The following SHISA5 variants were observed in gnomAD, a reference collection of about 807,000 sequenced individuals.
SHISA5 encodes the protein protein shisa-5.
SHISA5 carries 21 observed loss-of-function variants against 27.5 expected under a neutral mutation model. That is an observed-to-expected ratio of 0.76 (90% CI 0.54 to 1.10). The LOEUF (loss-of-function observed/expected upper bound fraction) is 1.10. Among genes scored for constraint, SHISA5 ranks in the 50% least tolerant of loss-of-function variants. The pLI, the probability that SHISA5 is intolerant of heterozygous loss-of-function variation, is 0.00. For missense variants in SHISA5, 314 were observed against 336.3 expected (o/e 0.93, Z 0.52); for synonymous variants, 137 against 142.2 (o/e 0.96, Z 0.26).
intron 2 of SHISA5, among the ~76,000 whole-genome samples, chr3:48,487,529 A>G (rs779472600): frequency 6.6e-6 from 1 of 152,048 alleles, no homozygotes; most frequent in Non-Finnish European, 1.5e-5. Context: ...ACGTCTTTTG[A>G]AATTATATTT....
chr3:48,479,367 G>C, intron 2 of SHISA5, 110 bp from the exon 3 acceptor site: 1 of 1,004,350 alleles, frequency 1.0e-6, no homozygotes, highest in East Asian at 2.6e-5. Flanking sequence ...TGAACCGGTG[G>C]CTTCAATGGC....
At chr3:48,489,195 A>ATTT (rs11293006) in intron 2 of SHISA5, among the ~76,000 whole-genome samples, 1 of 130,084 alleles carries the variant, frequency 7.7e-6, no homozygotes. Flanking sequence ...ACATTATGAG[A>ATTT]TTTTTTTTTT....
chr3:48,492,506 T>A (rs2107367090), intron 2 of SHISA5, among the ~76,000 whole-genome samples: 1 of 147,648 alleles, frequency 6.8e-6, no homozygotes, highest in East Asian at 1.9e-4. Context: ...TTAGATGAGA[T>A]CATGAGGGTG....
intron 2 of SHISA5, among the ~76,000 whole-genome samples, chr3:48,486,099 C>G (rs1316785638): frequency 6.9e-6 from 1 of 144,378 alleles, no homozygotes; most frequent in East Asian, 2.0e-4. Context: ...GGAGAAAGTC[C>G]TGGCTCCAAA....
chr3:48,504,212 C>G (rs956102159), upstream of SHISA5: 2 of 413,920 alleles, frequency 4.8e-6, no homozygotes, highest in African/African-American at 4.1e-5. The surrounding 1 kb of genome is among the most constrained non-coding windows in gnomAD (Gnocchi z 4.0). Context: ...CCGGCTGGTT[C>G]CCGGAACCTC....
At chr3:48,481,082 C>T (rs747357660) in intron 2 of SHISA5, among the ~76,000 whole-genome samples, 6 of 151,480 alleles carry the variant, frequency 4.0e-5, no homozygotes, top group Non-Finnish European at 8.8e-5. Context: ...GCGACAAGAG[C>T]GAGACTCCAT....
chr3:48,500,990 G>A lies in SHISA5; in HGVS notation c.233+147C>T, dbSNP rs1013230144. 8 of 897,368 alleles carry A rather than the reference G, an allele frequency of 8.9e-6. No individual in the cohort carries two copies. The African/African-American group carries it at 1.0e-4, about 11-fold the overall frequency. The allele number at this position is 897,368 out of a possible 1,614,324, so 55.6% of individuals were successfully genotyped here. On this transcript the variant is annotated intron_variant, in intron 2 of 5. Transcript: ENST00000296444. ...GTCTAGGGGGTCCAGCCCAGAACAG[G>A]GGATCCCTAAACCCTCTGCTCCAAT...
chr3:48,476,051 A>G (rs2040816570), intron 3 of SHISA5, among the ~76,000 whole-genome samples: 1 of 152,140 alleles, frequency 6.6e-6, no homozygotes, highest in South Asian at 2.1e-4. Flanking sequence ...GGGAACTCAA[A>G]AAGTAGCCCA....
chr3:48,473,180 C>T lies in SHISA5; in HGVS notation c.315-3337G>A. ...GCACAGACGCGAAGCCCCGTTCCAC[C>T]CTCTTAAAGACACAGGATGGCCCCG... On this transcript the variant is annotated intron_variant, in intron 3 of 5. Transcript: ENST00000296444. This position sits in a 1 kb window ranked among gnomAD's most constrained non-coding sequence, Gnocchi z 4.3. 2.8e-6 allele frequency: 4 copies of T among 1,437,610 alleles called. No homozygotes were observed. Among genetic ancestry groups the T allele is most frequent in the South Asian group, 1.5e-5 (1 of 68,536 alleles). The allele number at this position is 1,437,610 out of a possible 1,614,324, so 89.1% of individuals were successfully genotyped here.
At chr3:48,498,732 AAC>A in intron 2 of SHISA5, among the ~76,000 whole-genome samples, 1 of 151,856 alleles carries the variant, frequency 6.6e-6, no homozygotes. Context: ...AAGAAGAAGT[AAC>A]AGTCGAAGAA....
intron 2 of SHISA5, among the ~76,000 whole-genome samples, chr3:48,497,780 T>C (rs1357668653): frequency 1.3e-5 from 2 of 151,168 alleles, no homozygotes; most frequent in Non-Finnish European, 2.9e-5. Flanking sequence ...CCCAGCTACT[T>C]GGAAAGCTGA....
At position 48,472,869 on chromosome 3, in the gene SHISA5, C is replaced by G. The variant is rs1424531000; in HGVS notation, c.315-3026G>C. On this transcript the variant is annotated intron_variant, in intron 3 of 5. Coordinates refer to ENST00000296444, the MANE Select transcript of SHISA5 (RefSeq NM_016479.6). ...CAGCAGACTACAGGTGTCTTCCGGC[C>G]CAACCAGAGGCAGGAATGGAGAAAC... 4 of 928,460 alleles carry G rather than the reference C, an allele frequency of 4.3e-6. No individual in the cohort carries two copies. In the East Asian group the frequency reaches 1.1e-4, roughly 25 times the overall value. The allele number at this position is 928,460 out of a possible 1,614,324, so 57.5% of individuals were successfully genotyped here.
In SHISA5 at chr3:48,503,878, G is replaced by A. The variant is rs187730895; in HGVS notation, c.76+141C>T. 7.3e-3 allele frequency: 9,610 copies of A among 1,314,136 alleles called. 38 individuals carry two copies. The highest frequency in any genetic ancestry group is 8.5e-3 in the Non-Finnish European group (8,749 of 1,029,188). 81.4% of individuals were successfully genotyped at this position (1,314,136 alleles called of 1,614,324 possible). A position where few individuals can be genotyped will look rare whatever the true frequency, so the allele number is the denominator to read the frequency against. ...TGGAGGAGGGGTCCGCAGTCGTGGG[G>A]GTTCGCTGACGGCCTCGGGGCAATC... On this transcript the variant is annotated intron_variant, in intron 1 of 5. Transcript: ENST00000296444.
chr3:48,468,347 G>C lies in SHISA5; in HGVS notation c.*760C>G, dbSNP rs536058786. ...CCTGTGGGAAGGGCAGGGCCAGCAA[G>C]GGCAGCAGAGCTCCCTGGGGGCAGC... On this transcript the variant is annotated 3_prime_UTR_variant, in exon 6 of 6. Coordinates refer to ENST00000296444, the MANE Select transcript of SHISA5 (RefSeq NM_016479.6). 6.1e-4 allele frequency: 648 copies of C among 1,055,624 alleles called. No individual in the cohort carries two copies. Among genetic ancestry groups the C allele is most frequent in the Non-Finnish European group, 7.3e-4 (635 of 871,670 alleles). 65.4% of individuals were successfully genotyped at this position (1,055,624 alleles called of 1,614,324 possible). A position where few individuals can be genotyped will look rare whatever the true frequency, so the allele number is the denominator to read the frequency against.
chr3:48,470,874 C>T lies in SHISA5; in HGVS notation c.315-1031G>A. Among the ~76,000 whole-genome samples, 1 of 151,664 alleles carries T rather than the reference C, an allele frequency of 6.6e-6. No individual in the cohort carries two copies. The highest frequency in any genetic ancestry group is 1.9e-4 in the East Asian group (1 of 5,156). On this transcript the variant is annotated intron_variant, in intron 3 of 5. Coordinates refer to ENST00000296444, the MANE Select transcript of SHISA5 (RefSeq NM_016479.6). This position sits in a 1 kb window ranked among gnomAD's most constrained non-coding sequence, Gnocchi z 4.3. ...CCCGAGAGGCAGAGGTTGCATTCAGCCAAGATCACGCCATTGCACTCCAGC... is the reference window on the plus strand; with the variant it reads ...CCCGAGAGGCAGAGGTTGCATTCAGTCAAGATCACGCCATTGCACTCCAGC...
chr3:48,503,919 G>A (rs897819355), intron 1 of SHISA5, 100 bp downstream of exon 1: 24 of 1,368,626 alleles, frequency 1.8e-5, no homozygotes, highest in Non-Finnish European at 2.2e-5. Context: ...TCAGTGGGGG[G>A]CATAGTGGGG....
intron 3 of SHISA5, chr3:48,472,867 G>A: frequency 2.2e-6 from 2 of 908,042 alleles, no homozygotes; most frequent in Non-Finnish European, 3.4e-6. Context: ...GTGTCTTCCG[G>A]CCCAACCAGA....
At position 48,468,151 on chromosome 3, in the gene SHISA5, A is replaced by G. The variant is rs532451773; in HGVS notation, c.*956T>C. ...CTGGTGTCGGGAAGCAGGGACTCAC[A>G]GTTGCCAGGTTGTCCATCTCTGAGC... On this transcript the variant is annotated 3_prime_UTR_variant, in exon 6 of 6. Transcript: ENST00000296444. The G allele has an allele frequency of 8.0e-6, 8 of 1,000,600 alleles. No homozygotes were observed. Among genetic ancestry groups the G allele is most frequent in the Non-Finnish European group, 9.6e-6 (8 of 837,690 alleles). The allele number at this position is 1,000,600 out of a possible 1,614,324, so 62.0% of individuals were successfully genotyped here.
In SHISA5 at chr3:48,473,565, C is replaced by A; in HGVS notation, c.315-3722G>T. On this transcript the variant is annotated intron_variant, in intron 3 of 5. Coordinates refer to ENST00000296444, the MANE Select transcript of SHISA5 (RefSeq NM_016479.6). The surrounding 1 kb of genome is among the most constrained non-coding windows in gnomAD (Gnocchi z 4.3). ...GTCCCTTTAGCTCCTCCTCTCCCAC[C>A]AGCACTCTCTCCAATCTGTCTCCCC... The A allele has an allele frequency of 7.9e-7, 1 of 1,269,536 alleles. No individual in the cohort carries two copies. Among genetic ancestry groups the A allele is most frequent in the Non-Finnish European group, 1.0e-6 (1 of 977,322 alleles). The allele number at this position is 1,269,536 out of a possible 1,614,324, so 78.6% of individuals were successfully genotyped here.
Sources: gnomAD v4.1 joint callset for allele counts (sites outside exome capture counted in the v4.1 genomes callset) on GRCh38, gnomAD v4.1.1 for gene constraint, Gnocchi (gnomAD v3.1) non-coding constraint, MANE v1.5 for transcripts, NCBI Gene and HGNC (gene_info 2026-07-23, HGNC 2026-07-21) for gene names.